Variants in LILRB1 observed in about 807,000 individuals in gnomAD.
LILRB1 encodes the protein leukocyte immunoglobulin-like receptor subfamily B member 1.
Under a neutral mutation model 74.6 loss-of-function variants are expected in LILRB1, and 59 were observed. That is an observed-to-expected ratio of 0.79 (90% CI 0.64 to 0.98). The LOEUF is 0.98. LILRB1 is among the 50% of genes least tolerant of loss of function. The probability of loss-of-function intolerance (pLI) is 0.00; values close to 1 mark genes in which losing one functional copy is unlikely to be tolerated. For missense variants in LILRB1, 804 were observed against 822.6 expected, an observed-to-expected ratio of 0.98 and a Z score of 0.28; for synonymous variants, 328 against 333.9, an observed-to-expected ratio of 0.98 and a Z score of 0.19.
At position 54,632,868 on chromosome 19, in the gene LILRB1, A is replaced by C. The variant is rs1292655173; in HGVS notation, c.958+108A>C. 2.0e-6 allele frequency: 3 copies of C among 1,480,764 alleles called. No individual in the cohort carries two copies. The African/African-American group carries it at 4.2e-5, about 21-fold the overall frequency. 91.7% of individuals were successfully genotyped at this position (1,480,764 alleles called of 1,614,324 possible). Reference sequence around the variant, plus strand: ...GAGGGATGGGGGTCCCAAGGGAGGGAGAGACAGACAGAGACAGGGGATGGG... The same window carrying C: ...GAGGGATGGGGGTCCCAAGGGAGGGCGAGACAGACAGAGACAGGGGATGGG... On this transcript the variant is annotated intron_variant, in intron 6 of 14. Transcript: ENST00000324602.
At chr19:54,616,592 C>T (rs984961214), upstream of LILRB1, among the ~76,000 whole-genome samples, 7 of 152,094 alleles carry the variant, frequency 4.6e-5, no homozygotes, top group African/African-American at 1.4e-4. Context: ...CTTTGGTTGA[C>T]GGCCCTTTAT....
upstream of LILRB1, among the ~76,000 whole-genome samples, chr19:54,630,080 C>A (rs571501112): frequency 6.6e-6 from 1 of 152,234 alleles, no homozygotes; most frequent in Non-Finnish European, 1.5e-5. Context: ...TGTTCCAGCA[C>A]CACTGACCGT....
chr19:54,626,582 T>C (rs925805235), upstream of LILRB1, among the ~76,000 whole-genome samples: 6 of 149,380 alleles, frequency 4.0e-5, no homozygotes, highest in Non-Finnish European at 7.4e-5. Flanking sequence ...ACCAATACTA[T>C]GCTCATCATT....
chr19:54,632,726 G>A lies in LILRB1; in HGVS notation c.924G>A (p.Ser308=), dbSNP rs768743239. 5.0e-6 allele frequency: 8 copies of A among 1,612,188 alleles called. No individual in the cohort carries two copies. The South Asian group carries it at 6.6e-5, about 13-fold the overall frequency. Residue 308 remains serine, a synonymous_variant, in exon 6 of 15, where the codon TCG becomes TCA. Transcript: ENST00000324602. ...CACACAACCTCTCCTCCGAGTGGTCGGCCCCCAGCGACCCCCTGGACATCC... is the reference window on the plus strand; with the variant it reads ...CACACAACCTCTCCTCCGAGTGGTCAGCCCCCAGCGACCCCCTGGACATCC... ...YGAHNLSSEW[S]APSDPLDILI...
intron 1 of LILRB1, among the ~76,000 whole-genome samples, chr19:54,619,329 C>CT (rs531437191): frequency 5.1e-4 from 78 of 151,872 alleles, no homozygotes; most frequent in Non-Finnish European, 8.8e-4. Context: ...CACAATAAGA[C>CT]TTTTTTTAAA....
At chr19:54,627,830 A>G (rs576006041), upstream of LILRB1, among the ~76,000 whole-genome samples, 27 of 152,128 alleles carry the variant, frequency 1.8e-4, no homozygotes, top group South Asian at 1.0e-3. Flanking sequence ...GATGTGTGGG[A>G]TTTTTTTTCC....
chr19:54,632,954 C>T (rs2064029486), intron 6 of LILRB1, 62 bp from the exon 7 acceptor site: 3 of 1,577,216 alleles, frequency 1.9e-6, no homozygotes, highest in Admixed American at 3.5e-5. Context: ...AGAGGGAGAC[C>T]TGGGGAGGTG....
In LILRB1 at chr19:54,634,626, A is replaced by G. The variant is rs10414376; in HGVS notation, c.1364-15A>G. The G allele has an allele frequency of 0.11, 171,362 of 1,555,562 alleles. 14,670 individuals carry two copies. Among genetic ancestry groups the G allele is most frequent in the African/African-American group, 0.4 (28,928 of 73,202 alleles). On this transcript the variant is annotated splice_polypyrimidine_tract_variant and intron_variant, in intron 9 of 14. Transcript: ENST00000324602. ...CAATGACATCACCCCCATCCCTGAC[A>G]TCATCGTGCTCAAGGTCTGGGAAGG...
intron 1 of LILRB1, among the ~76,000 whole-genome samples, chr19:54,621,901 A>T (rs780830249): frequency 1.3e-5 from 2 of 152,198 alleles, no homozygotes; most frequent in Non-Finnish European, 2.9e-5. Context: ...ATTCTTTTGC[A>T]TATGGCTACC....
chr19:54,629,762 C>T (rs1315732769), upstream of LILRB1, among the ~76,000 whole-genome samples: 2 of 152,250 alleles, frequency 1.3e-5, no homozygotes, highest in African/African-American at 4.8e-5. Context: ...CTAATGAGCC[C>T]TTGATGGTCC....
Position 54,633,063 on chromosome 19 carries a change from G to T in LILRB1, c.1006G>T (p.Val336Leu). The T allele has an allele frequency of 6.2e-7, 1 of 1,614,098 alleles. No individual in the cohort carries two copies. Among genetic ancestry groups the T allele is most frequent in the Non-Finnish European group, 8.5e-7 (1 of 1,179,986 alleles). ...VSLSVQPGPTVASGENVTLLC... is the reference protein window; with the variant it reads ...VSLSVQPGPTLASGENVTLLC... ...CCTCTCGGTGCAGCCGGGCCCCACGGTGGCCTCAGGAGAGAACGTGACCCT... is the reference window on the plus strand; with the variant it reads ...CCTCTCGGTGCAGCCGGGCCCCACGTTGGCCTCAGGAGAGAACGTGACCCT... The change falls in exon 7 of 15, where the codon GTG becomes TTG. Residue 336 changes from valine to leucine, a missense_variant. By Grantham distance (32) the Val-to-Leu change is conservative. Transcript: ENST00000324602.
chr19:54,627,450 A>C (rs758614866), upstream of LILRB1, among the ~76,000 whole-genome samples: 2 of 152,074 alleles, frequency 1.3e-5, no homozygotes, highest in Non-Finnish European at 2.9e-5. Context: ...CCATGCTTCC[A>C]GCTCTCAGAT....
chr19:54,625,492 G>T (rs1202438218), upstream of LILRB1, among the ~76,000 whole-genome samples: 1 of 152,124 alleles, frequency 6.6e-6, no homozygotes, highest in Admixed American at 6.5e-5. Context: ...GCCTCTGTAG[G>T]CCAAGGGGGG....
rs996099779 is a variant in LILRB1 at position 54,636,828 on chromosome 19, G to A, written c.1909G>A (p.Gly637Arg). Residue 637 changes from glycine (G) to arginine (R), a missense_variant, in exon 15 of 15, where the codon GGG becomes AGG. Gly to Arg is a moderately radical substitution (Grantham distance 125). Coordinates refer to ENST00000324602, the MANE Select transcript of LILRB1 (RefSeq NM_001081637.3). ...EATEPPPSQE[G>R]PSPAVPSIYA... Reference sequence around the variant, plus strand: ...AACTGAGCCTCCTCCATCCCAGGAAGGGCCCTCTCCAGCTGTGCCCAGCAT... The same window carrying A: ...AACTGAGCCTCCTCCATCCCAGGAAAGGCCCTCTCCAGCTGTGCCCAGCAT... The A allele has an allele frequency of 6.2e-7, 1 of 1,613,360 alleles. No individual in the cohort carries two copies. Among genetic ancestry groups the A allele is most frequent in the Non-Finnish European group, 8.5e-7 (1 of 1,179,536 alleles).
chr19:54,636,869 C>G lies in LILRB1; in HGVS notation c.1950C>G (p.Ala650=). The G allele has an allele frequency of 6.2e-7, 1 of 1,613,386 alleles. No homozygotes were observed. The highest frequency in any genetic ancestry group is 1.1e-5 in the South Asian group (1 of 91,074). ...TGCCCAGCATCTACGCCACTCTGGC[C>G]ATCCACTAGCCCAGGGGGGGACGCA... ...PAVPSIYATL[A]IH The change falls in exon 15 of 15, where the codon GCC becomes GCG. Residue 650 remains alanine, a synonymous_variant. Coordinates refer to ENST00000324602, the MANE Select transcript of LILRB1 (RefSeq NM_001081637.3).
chr19:54,632,545 C>T lies in LILRB1; in HGVS notation c.743C>T (p.Ser248Phe), dbSNP rs1421289928. Residue 248 changes from serine (S) to phenylalanine (F), a missense_variant, in exon 6 of 15, where the codon TCT becomes TTT. By Grantham distance (155) the Ser-to-Phe change is radical (BLOSUM62 -2). Transcript: ENST00000324602. ...GAGACCCTGACTCTGCAGTGTGGCTCTGATGCTGGCTACAACAGATTTGTT... is the reference window on the plus strand; with the variant it reads ...GAGACCCTGACTCTGCAGTGTGGCTTTGATGCTGGCTACAACAGATTTGTT... ...PEETLTLQCG[S>F]DAGYNRFVLY... 6.2e-7 allele frequency: 1 copy of T among 1,614,138 alleles called. No homozygotes were observed. Among genetic ancestry groups the T allele is most frequent in the Non-Finnish European group, 8.5e-7 (1 of 1,180,014 alleles).
chr19:54,633,417 A>C lies in LILRB1; in HGVS notation c.1261+99A>C, dbSNP rs371582289. 4,746 of 1,482,116 alleles carry C rather than the reference A, an allele frequency of 3.2e-3. 196 individuals are homozygous for C. The South Asian group carries it at 0.058, about 18-fold the overall frequency. The allele number at this position is 1,482,116 out of a possible 1,614,324, so 91.8% of individuals were successfully genotyped here. The stretch of plus-strand genomic sequence containing the variant: ...GGGATGGAGTGAGCGGGGGTCTGAG[A>C]GGGGCTCAGCCAGTGGGAGACTCAC... On this transcript the variant is annotated intron_variant, in intron 7 of 14. Coordinates refer to ENST00000324602, the MANE Select transcript of LILRB1 (RefSeq NM_001081637.3).
At chr19:54,635,952 G>T (rs772274908) in intron 13 of LILRB1, 13 of 582,554 alleles carry the variant, frequency 2.2e-5, no homozygotes, top group Admixed American at 1.5e-4. Flanking sequence ...GGAGCTCACT[G>T]TGGATGGGGC....
upstream of LILRB1, among the ~76,000 whole-genome samples, chr19:54,626,987 A>G (rs892338287): frequency 1.0e-3 from 152 of 151,658 alleles, no homozygotes; most frequent in South Asian, 0.021. Context: ...AGGTGGCTCA[A>G]TGCTGAGTGT....
Sources: allele counts gnomAD v4.1 joint callset (sites outside exome capture counted in the v4.1 genomes callset), GRCh38; gene constraint gnomAD v4.1.1; transcripts MANE v1.5; gene names NCBI Gene and HGNC (gene_info 2026-07-23, HGNC 2026-07-21).